SYNE2: variants seen among roughly 807,000 people sequenced by gnomAD.
The protein encoded by SYNE2 is nesprin-2.
A neutral mutation model predicts 856.3 loss-of-function variants in SYNE2; 431 were observed. The observed-to-expected ratio is 0.50, with a 90% CI of 0.47 to 0.55. The LOEUF (loss-of-function observed/expected upper bound fraction) is 0.55. Ranked by LOEUF, SYNE2 falls within the 20% of genes least tolerant of loss-of-function variation. The pLI, the probability that SYNE2 is intolerant of heterozygous loss-of-function variation, is 0.00. For synonymous variants in SYNE2, 2,923 were observed against 2,872.3 expected, an observed-to-expected ratio of 1.02 and a Z score of -0.56; for missense variants, 8,129 against 8,023.2, an observed-to-expected ratio of 1.01 and a Z score of -0.50.
intron 7 of SYNE2, among the ~76,000 whole-genome samples, chr14:63,951,366 G>A (rs1322372323): frequency 2.0e-5 from 3 of 152,010 alleles, no homozygotes; most frequent in Admixed American, 6.6e-5. Flanking sequence ...GCAGTGGCAC[G>A]ATCTCAACTC....
Position 63,982,726 on chromosome 14 carries a change from T to A in SYNE2, c.1933T>A (p.Ser645Thr), listed in dbSNP as rs770407837. 1.9e-6 allele frequency: 3 copies of A among 1,614,080 alleles called. No homozygotes were observed. Among genetic ancestry groups the A allele is most frequent in the African/African-American group, 1.3e-5 (1 of 75,028 alleles). ...LVEVSNDVVG[S>T]SISKELRRLN... ...CGAAGTCAGCAATGATGTGGTTGGA[T>A]CATCTATTTCTAAAGAACTGAGAAG... Residue 645 changes from serine (S) to threonine (T), a missense_variant, in exon 17 of 116, where the codon TCA (serine) becomes ACA (threonine). Physicochemically the swap from Ser to Thr is moderately conservative, Grantham distance 58. Transcript: ENST00000555002.
chr14:63,992,792 G>T (rs752658609), intron 21 of SYNE2, among the ~76,000 whole-genome samples: 20 of 152,196 alleles, frequency 1.3e-4, no homozygotes, highest in Admixed American at 6.5e-5. Flanking sequence ...CAGGGTAAAA[G>T]TGTGTCCCCA....
In SYNE2 at chr14:64,052,310, T is replaced by C; in HGVS notation, c.8397T>C (p.Tyr2799=). The change falls in exon 48 of 116, where the codon TAT becomes TAC. Residue 2799 remains tyrosine (Y), a synonymous_variant. Coordinates refer to ENST00000555002, the MANE Select transcript of SYNE2 (RefSeq NM_182914.3). ...ATAAGGTTCCTAGCCTTACAACCTATGAGGGCAGTGATTTAAATAATACCC... is the reference window on the plus strand; with the variant it reads ...ATAAGGTTCCTAGCCTTACAACCTACGAGGGCAGTGATTTAAATAATACCC... ...VKDKVPSLTT[Y]EGSDLNNTLE... The C allele has an allele frequency of 6.2e-7, 1 of 1,614,172 alleles. No individual in the cohort carries two copies. Among genetic ancestry groups the C allele is most frequent in the Non-Finnish European group, 8.5e-7 (1 of 1,180,028 alleles).
Position 63,937,934 on chromosome 14 carries a change from G to A in SYNE2, c.80-2680G>A, listed in dbSNP as rs536290209. On this transcript the variant is annotated intron_variant, in intron 2 of 115. Coordinates refer to ENST00000555002, the MANE Select transcript of SYNE2 (RefSeq NM_182914.3). ...GCAGAGTCAATGGCTTGGAGTTGTT[G>A]ATGAACTGAAATGATTGCTGGAGTT... Among the ~76,000 whole-genome samples the A allele has an allele frequency of 2.6e-5, 4 of 152,310 alleles. No individual in the cohort carries two copies. The East Asian group carries it at 7.7e-4, about 29-fold the overall frequency.
Position 64,201,252 on chromosome 14 carries a change from G to A in SYNE2, c.18039-1549G>A, listed in dbSNP as rs531913417. ...TTCCCTGAAGCTTAAGCAGCTTTGC[G>A]GGTGTACTTGAAATAAGGGGGCTGA... On this transcript the variant is annotated intron_variant, in intron 99 of 115. Transcript: ENST00000555002. Among the ~76,000 whole-genome samples, 9 of 152,288 alleles carry A rather than the reference G, an allele frequency of 5.9e-5. No individual in the cohort carries two copies. In the South Asian group the frequency reaches 1.5e-3, roughly 25 times the overall value.
At chr14:64,066,637 G>C (rs1006203409) in intron 51 of SYNE2, among the ~76,000 whole-genome samples, 6 of 152,180 alleles carry the variant, frequency 3.9e-5, no homozygotes, top group Non-Finnish European at 8.8e-5. Context: ...CCTGACTAGT[G>C]AATAGTCTCT....
intron 1 of SYNE2, among the ~76,000 whole-genome samples, chr14:63,891,843 C>T (rs1230788963): frequency 2.6e-5 from 4 of 152,092 alleles, no homozygotes; most frequent in South Asian, 2.1e-4. Context: ...GATAAAAGCA[C>T]GTGTAATTTG....
Position 64,219,676 on chromosome 14 carries a change from G to A in SYNE2, c.19860+266G>A, listed in dbSNP as rs537763484. Among the ~76,000 whole-genome samples, 5 of 152,306 alleles carry A rather than the reference G, an allele frequency of 3.3e-5. No individual in the cohort carries two copies. The East Asian group carries it at 9.7e-4, about 29-fold the overall frequency. ...CAGATCTCCAGAGATGGAAAAATCT[G>A]ACATCCGAGGCATTTCTAGACTTTT... On this transcript the variant is annotated intron_variant, in intron 110 of 115. Transcript: ENST00000555002.
At chr14:64,200,476 T>C (rs760269969) in intron 99 of SYNE2, among the ~76,000 whole-genome samples, 4 of 152,166 alleles carry the variant, frequency 2.6e-5, no homozygotes, top group Non-Finnish European at 4.4e-5. Flanking sequence ...ACCCTGGTAG[T>C]TGTCTGGAGT....
At chr14:64,013,438 C>T (rs1239915188) in intron 32 of SYNE2, among the ~76,000 whole-genome samples, 1 of 151,310 alleles carries the variant, frequency 6.6e-6, no homozygotes, top group African/African-American at 2.4e-5. Context: ...AAATAGTGGA[C>T]ATTGTACCCA....
chr14:64,169,446 C>CA (rs1476801522), intron 93 of SYNE2, among the ~76,000 whole-genome samples: 3 of 152,232 alleles, frequency 2.0e-5, no homozygotes, highest in African/African-American at 7.2e-5. Context: ...TGGGCAGTGC[C>CA]AATCAGGCTG....
intron 109 of SYNE2, 96 bp from the exon 110 acceptor site, chr14:64,219,112 T>TTTTTTTG (rs2098681779): frequency 1.1e-6 from 1 of 934,572 alleles, no homozygotes; most frequent in Non-Finnish European, 1.5e-6. Context: ...TTGTTTTTTT[T>TTTTTTTG]TTTTTTTTTT....
In SYNE2 at chr14:64,208,937, G is replaced by A; in HGVS notation, c.18381G>A (p.Arg6127=). The A allele has an allele frequency of 1.9e-6, 3 of 1,613,966 alleles. No individual in the cohort carries two copies. The highest frequency in any genetic ancestry group is 2.5e-6 in the Non-Finnish European group (3 of 1,179,990). ...ACATTTGTGCCATGTCCATGGAGCG[G>A]CGCATGAAGTAAGAACTAAGCTCCC... ...WRNICAMSME[R]RMKIEETWRL... Residue 6127 remains arginine (R), a synonymous_variant, in exon 101 of 116, where the codon CGG becomes CGA. Transcript: ENST00000555002.
intron 64 of SYNE2, among the ~76,000 whole-genome samples, chr14:64,103,504 C>T (rs1211318231): frequency 6.6e-6 from 1 of 152,154 alleles, no homozygotes; most frequent in Non-Finnish European, 1.5e-5. Context: ...AAACTACGTG[C>T]TTCCTTTGCT....
At chr14:64,033,339 C>CTA (rs1352891612) in intron 45 of SYNE2, among the ~76,000 whole-genome samples, 20 of 152,226 alleles carry the variant, frequency 1.3e-4, no homozygotes, top group Non-Finnish European at 2.9e-5. Context: ...CCCCAAAACT[C>CTA]AATAGAGTAT....
intron 1 of SYNE2, among the ~76,000 whole-genome samples, chr14:63,771,203 G>A (rs1886892326): frequency 6.6e-6 from 1 of 151,472 alleles, no homozygotes; most frequent in Admixed American, 6.6e-5. Flanking sequence ...CCGAGTAGCT[G>A]GGACTACAGG....
intron 7 of SYNE2, among the ~76,000 whole-genome samples, chr14:63,951,063 A>G (rs2096148858): frequency 6.6e-6 from 1 of 151,504 alleles, no homozygotes; most frequent in Admixed American, 6.6e-5. Flanking sequence ...TAGACAATTT[A>G]CTTTTCCATT....
chr14:63,997,072 T>C lies in SYNE2; in HGVS notation c.3066T>C (p.Tyr1022=), dbSNP rs781161605. 1 of 1,614,078 alleles carries C rather than the reference T, an allele frequency of 6.2e-7. No individual in the cohort carries two copies. The highest frequency in any genetic ancestry group is 1.7e-5 in the Admixed American group (1 of 60,004). The change falls in exon 24 of 116, where the codon TAT becomes TAC. Residue 1022 remains tyrosine (Y), a synonymous_variant. Transcript: ENST00000555002. ...AAGTGAAGAGACTACTCAAAGATTA[T>C]GAACAAAAGATAGAAAGACTTCTGA... is the stretch of plus-strand genomic sequence containing the variant. The part of the protein sequence containing the change: ...QQEVKRLLKD[Y]EQKIERLLKC...
chr14:63,774,117 G>A (rs939284100), intron 1 of SYNE2, among the ~76,000 whole-genome samples: 1 of 150,870 alleles, frequency 6.6e-6, no homozygotes, highest in African/African-American at 2.4e-5. Context: ...GGCAGATCAC[G>A]AGGTCAGGAG....
Sources: gnomAD v4.1 joint callset for allele counts (sites outside exome capture counted in the v4.1 genomes callset) on GRCh38, gnomAD v4.1.1 for gene constraint, MANE v1.5 for transcripts, NCBI Gene and HGNC (gene_info 2026-07-23, HGNC 2026-07-21) for gene names.